PARN: variants seen among roughly 807,000 people sequenced by gnomAD.
PARN encodes the protein poly(A)-specific ribonuclease.
Under a neutral mutation model 102.8 loss-of-function variants are expected in PARN, and 71 were observed. That is an observed-to-expected ratio of 0.69 (90% confidence interval 0.57 to 0.84). The LOEUF (loss-of-function observed/expected upper bound fraction) is 0.84. Among genes scored for constraint, PARN ranks in the 40% least tolerant of loss-of-function variants. The pLI is 0.00. For synonymous variants in PARN, 261 were observed against 252.9 expected (o/e 1.03, Z -0.30); for missense variants, 782 against 760.9 (o/e 1.03, Z -0.33).
chr16:14,628,596 T>C (rs1366557103), intron 2 of PARN, among the ~76,000 whole-genome samples: 1 of 152,218 alleles, frequency 6.6e-6, no homozygotes, highest in East Asian at 1.9e-4. Context: ...AATCCCTAAG[T>C]ATATTATTGC....
At chr16:14,484,570 G>C (rs573001456) in intron 21 of PARN, among the ~76,000 whole-genome samples, 10 of 152,326 alleles carry the variant, frequency 6.6e-5, no homozygotes, top group African/African-American at 9.6e-5. Flanking sequence ...ACTGAATGCA[G>C]AGCAGAATGC....
chr16:14,603,702 TACTC>T (rs950920600), intron 11 of PARN, among the ~76,000 whole-genome samples: 11 of 152,178 alleles, frequency 7.2e-5, no homozygotes, highest in African/African-American at 2.4e-4. Context: ...CCTCCAGTCT[TACTC>T]ACTCGAAACC....
At chr16:14,505,664 A>G (rs1281118161) in intron 21 of PARN, among the ~76,000 whole-genome samples, 1 of 152,232 alleles carries the variant, frequency 6.6e-6, no homozygotes, top group African/African-American at 2.4e-5. Flanking sequence ...TGTACCTAAT[A>G]ACCAATGGTT....
At chr16:14,549,214 G>A (rs1035421915) in intron 21 of PARN, among the ~76,000 whole-genome samples, 6 of 152,164 alleles carry the variant, frequency 3.9e-5, no homozygotes, top group Non-Finnish European at 8.8e-5. Flanking sequence ...GACTATACCG[G>A]AAAATTAAAC....
chr16:14,594,100 C>A (rs573730665), intron 12 of PARN, among the ~76,000 whole-genome samples: 4 of 152,096 alleles, frequency 2.6e-5, no homozygotes, highest in Non-Finnish European at 5.9e-5. Flanking sequence ...TTAAAACAAC[C>A]CACTTATTTT....
At chr16:14,549,813 G>A (rs1315576067) in intron 21 of PARN, among the ~76,000 whole-genome samples, 1 of 152,160 alleles carries the variant, frequency 6.6e-6, no homozygotes, top group African/African-American at 2.4e-5. Context: ...CTCTTTGCTG[G>A]CAACTTAATA....
Position 14,436,703 on chromosome 16 carries a change from C to T in PARN, c.*14G>A. 1 of 1,589,802 alleles carries T rather than the reference C, an allele frequency of 6.3e-7. No homozygotes were observed. ...CAGCGACAGCACCAGCGGTTTGCTG[C>T]CCTCAGGTCTTGGTTACCATGTGTC... On this transcript the variant is annotated 3_prime_UTR_variant, in exon 24 of 24. Transcript: ENST00000437198.
chr16:14,544,305 C>T (rs1227602480), intron 21 of PARN, among the ~76,000 whole-genome samples: 4 of 152,110 alleles, frequency 2.6e-5, no homozygotes, highest in African/African-American at 4.8e-5. Context: ...CTGGGTGTGG[C>T]GGCTCACATC....
chr16:14,444,655 G>T (rs1447079942), intron 23 of PARN, among the ~76,000 whole-genome samples: 2 of 152,120 alleles, frequency 1.3e-5, no homozygotes, highest in Non-Finnish European at 2.9e-5. Context: ...AATACAAGTG[G>T]GGAAACCCCC....
At chr16:14,578,048 G>T (rs1969256795) in intron 18 of PARN, among the ~76,000 whole-genome samples, 1 of 151,710 alleles carries the variant, frequency 6.6e-6, no homozygotes, top group South Asian at 2.1e-4. Flanking sequence ...ATAAAAACAG[G>T]CCATGCATGG....
At position 14,542,353 on chromosome 16, in the gene PARN, G is replaced by A. The variant is rs561012154; in HGVS notation, c.1480+9668C>T. Among the ~76,000 whole-genome samples, 5 of 149,268 alleles carry A rather than the reference G, an allele frequency of 3.3e-5. No homozygotes were observed. In the East Asian group the frequency reaches 5.9e-4, roughly 18 times the overall value. Reference sequence around the variant, plus strand: ...TAACTTTTTTAAGAGACAGGGTCTCGCTGTATCTCTCAGGCTGGAGTGGAG... The same window carrying A: ...TAACTTTTTTAAGAGACAGGGTCTCACTGTATCTCTCAGGCTGGAGTGGAG... On this transcript the variant is annotated intron_variant, in intron 21 of 23. Coordinates refer to ENST00000437198, the MANE Select transcript of PARN (RefSeq NM_002582.4).
chr16:14,586,294 G>T (rs567949227), intron 14 of PARN, 24 bp downstream of exon 14: 22 of 1,493,754 alleles, frequency 1.5e-5, no homozygotes, highest in Non-Finnish European at 1.8e-5. Context: ...TTAAAAGAAA[G>T]ACAAATCCTC....
intron 11 of PARN, among the ~76,000 whole-genome samples, chr16:14,602,805 G>A (rs1970956788): frequency 6.6e-6 from 1 of 152,070 alleles, no homozygotes; most frequent in Non-Finnish European, 1.5e-5. Flanking sequence ...GAGGTGTGGG[G>A]CTCTCTGCCT....
intron 22 of PARN, among the ~76,000 whole-genome samples, chr16:14,452,141 A>G (rs1200712842): frequency 6.6e-6 from 1 of 152,098 alleles, no homozygotes; most frequent in Non-Finnish European, 1.5e-5. Flanking sequence ...TTTAGCATTA[A>G]CTTCAAGCAA....
intron 21 of PARN, among the ~76,000 whole-genome samples, chr16:14,538,210 TA>T: frequency 6.6e-6 from 1 of 151,246 alleles, no homozygotes; most frequent in Non-Finnish European, 1.5e-5. Flanking sequence ...TATTTTCAAA[TA>T]TTTTTCACTT....
At chr16:14,623,229 A>C (rs1218554694) in intron 5 of PARN, among the ~76,000 whole-genome samples, 1 of 152,014 alleles carries the variant, frequency 6.6e-6, no homozygotes, top group Non-Finnish European at 1.5e-5. Context: ...TAAGAAGGGA[A>C]ACACAGCCAG....
chr16:14,604,234 A>G lies in PARN; in HGVS notation c.703-8T>C, dbSNP rs778342011. The G allele has an allele frequency of 6.6e-7, 1 of 1,523,842 alleles. No individual in the cohort carries two copies. Among genetic ancestry groups the G allele is most frequent in the Non-Finnish European group, 9.0e-7 (1 of 1,116,652 alleles). The allele number at this position is 1,523,842 out of a possible 1,614,324, so 94.4% of individuals were successfully genotyped here. ...AACTATATATCGCTCCTTCTAAAAG[A>G]CATAAAGCAGATATACAATTTTCTT... On this transcript the variant is annotated splice_region_variant and splice_polypyrimidine_tract_variant and intron_variant, in intron 10 of 23. Coordinates refer to ENST00000437198, the MANE Select transcript of PARN (RefSeq NM_002582.4).
At chr16:14,445,519 AGT>A (rs1961162529) in intron 23 of PARN, among the ~76,000 whole-genome samples, 3 of 152,230 alleles carry the variant, frequency 2.0e-5, no homozygotes, top group African/African-American at 4.8e-5. Context: ...TGTCTGGGTC[AGT>A]GTCTCTCAAC....
chr16:14,482,145 C>A (rs139902381), intron 22 of PARN, among the ~76,000 whole-genome samples: 1,559 of 152,312 alleles, frequency 0.01, 18 homozygotes, highest in Non-Finnish European at 0.016. Context: ...ACCTGTAATT[C>A]CAGCACTTTG....
Sources: allele counts gnomAD v4.1 joint callset (sites outside exome capture counted in the v4.1 genomes callset), GRCh38; gene constraint gnomAD v4.1.1; transcripts MANE v1.5; gene names NCBI Gene and HGNC (gene_info 2026-07-23, HGNC 2026-07-21).